ABCB1: variants seen among roughly 807,000 people sequenced by gnomAD.
ABCB1 encodes the protein ATP binding cassette subfamily B member 1.
ABCB1 carries 69 observed loss-of-function variants against 142.0 expected under a neutral mutation model. The ratio of observed to expected loss-of-function variants is 0.49; its 90% confidence interval spans 0.40 to 0.59. The LOEUF (loss-of-function observed/expected upper bound fraction) is 0.59. Ranked by LOEUF, ABCB1 falls within the 20% of genes least tolerant of loss-of-function variation. ABCB1 has a pLI of 0.00. For missense variants in ABCB1, 1,326 were observed against 1,554.7 expected (o/e 0.85, Z 2.47); for synonymous variants, 532 against 539.2 (o/e 0.99, Z 0.18).
At chr7:87,582,255 T>C (rs1818540366) in intron 4 of ABCB1, among the ~76,000 whole-genome samples, 1 of 152,228 alleles carries the variant, frequency 6.6e-6, no homozygotes, top group Non-Finnish European at 1.5e-5. Flanking sequence ...TTACACAGAA[T>C]AGGTACACTT....
intron 5 of ABCB1, among the ~76,000 whole-genome samples, chr7:87,569,152 G>C (rs2129828164): frequency 6.6e-6 from 1 of 152,066 alleles, no homozygotes; most frequent in African/African-American, 2.4e-5. Flanking sequence ...GGGTAACATG[G>C]TGAAACCCCA....
At chr7:87,646,831 TC>T (rs1218194727) in intron 1 of ABCB1, among the ~76,000 whole-genome samples, 2 of 152,204 alleles carry the variant, frequency 1.3e-5, no homozygotes, top group Non-Finnish European at 2.9e-5. Flanking sequence ...TTTCTCTTTA[TC>T]TTTTTGTTTC....
At chr7:87,541,727 T>C (rs1816548315) in intron 17 of ABCB1, among the ~76,000 whole-genome samples, 3 of 152,218 alleles carry the variant, frequency 2.0e-5, no homozygotes, top group Admixed American at 6.5e-5. Context: ...CCACCTCAAC[T>C]GTGTAAAGTT....
chr7:87,549,641 A>G, intron 13 of ABCB1, 123 bp from the exon 14 acceptor site: 1 of 1,491,478 alleles, frequency 6.7e-7, no homozygotes. Flanking sequence ...AGTTCTTTAA[A>G]TCTTATTTAA....
chr7:87,608,811 T>C (rs1404018120), intron 1 of ABCB1, among the ~76,000 whole-genome samples: 3 of 152,218 alleles, frequency 2.0e-5, no homozygotes, highest in Non-Finnish European at 4.4e-5. Context: ...TCACAGGACA[T>C]ATCTATTTAA....
intron 1 of ABCB1, among the ~76,000 whole-genome samples, chr7:87,687,140 A>T (rs1827545599): frequency 6.6e-6 from 1 of 152,114 alleles, no homozygotes; most frequent in Non-Finnish European, 1.5e-5. Flanking sequence ...TTTAGATTTT[A>T]TATTGATTCT....
intron 1 of ABCB1, among the ~76,000 whole-genome samples, chr7:87,680,994 A>G (rs1826876036): frequency 6.6e-6 from 1 of 150,544 alleles, no homozygotes; most frequent in Non-Finnish European, 1.5e-5. Flanking sequence ...AGGCTGATCA[A>G]GAAAATGAGA....
chr7:87,549,801 G>A, intron 13 of ABCB1, 50 bp downstream of exon 13: 2 of 1,585,710 alleles, frequency 1.3e-6, no homozygotes, highest in Non-Finnish European at 8.7e-7. Context: ...TAGTAGGCCT[G>A]CATTTTATTT....
chr7:87,512,435 C>T (rs17149699), intron 25 of ABCB1, among the ~76,000 whole-genome samples: 19,247 of 152,022 alleles, frequency 0.13, 2,146 homozygotes, highest in East Asian at 0.38. Flanking sequence ...TAATCCAGGC[C>T]GGCTGTGTTT....
At chr7:87,627,562 GGTGA>G (rs1395971378) in intron 1 of ABCB1, 2 of 152,352 alleles carry the variant, frequency 1.3e-5, no homozygotes, top group Non-Finnish European at 2.9e-5. Context: ...AGCAGGCGTA[GGTGA>G]GTGTCAGAGG....
intron 3 of ABCB1, among the ~76,000 whole-genome samples, chr7:87,593,796 T>C (rs1397529922): frequency 1.3e-5 from 2 of 152,224 alleles, no homozygotes; most frequent in African/African-American, 4.8e-5. Context: ...GGAAATTCAG[T>C]GTGCCCTGTG....
At position 87,683,099 on chromosome 7, in the gene ABCB1, T is replaced by G. The variant is rs187329344; in HGVS notation, c.-331+30062A>C. Among the ~76,000 whole-genome samples, 307 of 152,318 alleles carry G rather than the reference T, an allele frequency of 2.0e-3. 1 individual carries two copies. Among genetic ancestry groups the G allele is most frequent in the African/African-American group, 6.5e-3 (271 of 41,568 alleles). On this transcript the variant is annotated intron_variant, in intron 1 of 28. Transcript: ENST00000265724. The stretch of plus-strand genomic sequence containing the variant: ...TACAGAGATGGCTTTTTTCTGAAAC[T>G]TCATGAACCAACCTCTGCTAGCTTC...
At chr7:87,515,833 G>A (rs149452876) in intron 24 of ABCB1, among the ~76,000 whole-genome samples, 7 of 151,930 alleles carry the variant, frequency 4.6e-5, no homozygotes, top group South Asian at 2.1e-4. Context: ...CTGACCTCAC[G>A]TGATCCACCC....
intron 4 of ABCB1, among the ~76,000 whole-genome samples, chr7:87,583,142 C>T (rs1044322841): frequency 6.6e-6 from 1 of 152,100 alleles, no homozygotes; most frequent in Admixed American, 6.6e-5. Context: ...AACATGAAAG[C>T]CTGTTGATAA....
intron 1 of ABCB1, among the ~76,000 whole-genome samples, 186 bp from the exon 2 acceptor site, chr7:87,600,376 T>C (rs945022108): frequency 6.6e-6 from 1 of 152,192 alleles, no homozygotes; most frequent in African/African-American, 2.4e-5. Context: ...CTCCAGCATC[T>C]CCACGAAGGC....
Position 87,505,954 on chromosome 7 carries a change from C to T in ABCB1, c.3579G>A (p.Gln1193=). 1 of 1,614,144 alleles carries T rather than the reference C, an allele frequency of 6.2e-7. No individual in the cohort carries two copies. ...RIAIARALVR[Q]PHILLLDEAT... ...CTTCATCCAAAAGCAAAATATGAGG[C>T]TGTCTAACAAGGGCACGAGCTATGG... is the stretch of plus-strand genomic sequence containing the variant. Residue 1193 remains glutamine (Q), a synonymous_variant, in exon 27 of 28, where the codon CAG becomes CAA. Coordinates refer to ENST00000622132, the MANE Select transcript of ABCB1 (RefSeq NM_001348946.2).
chr7:87,684,544 C>G (rs753721096), intron 1 of ABCB1, among the ~76,000 whole-genome samples: 1 of 151,714 alleles, frequency 6.6e-6, no homozygotes, highest in Non-Finnish European at 1.5e-5. Context: ...GTCAAGAGAT[C>G]GAGACCATCC....
At chr7:87,506,163 A>G in intron 26 of ABCB1, 120 bp from the exon 27 acceptor site, 1 of 999,110 alleles carries the variant, frequency 1.0e-6, no homozygotes, top group Non-Finnish European at 1.5e-6. Flanking sequence ...AGAAGCTAAG[A>G]ATGGTTCATG....
At chr7:87,518,223 GT>G (rs1321428594) in intron 23 of ABCB1, among the ~76,000 whole-genome samples, 1 of 152,174 alleles carries the variant, frequency 6.6e-6, no homozygotes, top group African/African-American at 2.4e-5. Context: ...AATACCGATA[GT>G]TAATCTTGGA....
Sources: gnomAD v4.1 joint callset for allele counts (sites outside exome capture counted in the v4.1 genomes callset) on GRCh38, gnomAD v4.1.1 for gene constraint, MANE v1.5 for transcripts, NCBI Gene and HGNC (gene_info 2026-07-23, HGNC 2026-07-21) for gene names.